RAB27B: variants seen among roughly 807,000 people sequenced by gnomAD.
RAB27B encodes the protein ras-related protein Rab-27B.
Under a neutral mutation model 24.6 loss-of-function variants are expected in RAB27B, and 15 were observed. That is an observed-to-expected ratio of 0.61 (90% CI 0.41 to 0.94). RAB27B has a LOEUF of 0.94. Among genes scored for constraint, RAB27B ranks in the 40% least tolerant of loss-of-function variants. The pLI is 0.00. For missense variants in RAB27B, 261 were observed against 266.8 expected, an observed-to-expected ratio of 0.98 and a Z score of 0.15; for synonymous variants, 105 against 92.5, an observed-to-expected ratio of 1.14 and a Z score of -0.78.
At chr18:54,798,309 C>A (rs764752660) in intron 2 of RAB27B, among the ~76,000 whole-genome samples, 2 of 152,202 alleles carry the variant, frequency 1.3e-5, no homozygotes, top group African/African-American at 2.4e-5. Flanking sequence ...GAAGTGTATT[C>A]CTGGATCTGG....
chr18:54,868,663 G>T (rs1305631282), intron 1 of RAB27B, among the ~76,000 whole-genome samples: 16 of 151,630 alleles, frequency 1.1e-4, no homozygotes, highest in Admixed American at 1.1e-3. Flanking sequence ...CTGTCATATT[G>T]CCCAGGCTGG....
At chr18:54,844,833 C>G (rs1294129490) in intron 1 of RAB27B, among the ~76,000 whole-genome samples, 1 of 152,150 alleles carries the variant, frequency 6.6e-6, no homozygotes, top group African/African-American at 2.4e-5. Flanking sequence ...TATTTTCCAG[C>G]CTGCCTTTCT....
Position 54,892,415 on chromosome 18 carries a change from A to T in RAB27B, c.*3002A>T, listed in dbSNP as rs531615320. The T allele has an allele frequency of 1.8e-4, 27 of 152,046 alleles. No homozygotes were observed. Among genetic ancestry groups the T allele is most frequent in the Admixed American group, 5.3e-4 (8 of 15,234 alleles). 9.4% of individuals were successfully genotyped at this position (152,046 alleles called of 1,614,324 possible). ...GATATTATCAGCAAGGGATGCAAGG[A>T]CTTTATTGGAATCTGGAGAGTTTAA... On this transcript the variant is annotated 3_prime_UTR_variant, in exon 6 of 6. Coordinates refer to ENST00000262094, the MANE Select transcript of RAB27B (RefSeq NM_004163.4).
chr18:54,842,888 G>A (rs925214562), intron 1 of RAB27B, among the ~76,000 whole-genome samples: 4 of 152,068 alleles, frequency 2.6e-5, no homozygotes, highest in Admixed American at 6.5e-5. Context: ...TCTGCCTCCC[G>A]GGTTCATGCC....
intron 3 of RAB27B, chr18:54,880,911 A>G (rs1185933838): frequency 6.6e-6 from 1 of 152,142 alleles, no homozygotes; most frequent in Non-Finnish European, 1.5e-5. Context: ...AGGTGTAACT[A>G]AGCAACAAGA....
intron 1 of RAB27B, among the ~76,000 whole-genome samples, chr18:54,868,578 A>T (rs1912334700): frequency 6.6e-6 from 1 of 150,674 alleles, no homozygotes; most frequent in Non-Finnish European, 1.5e-5. Context: ...TCCAAAAAGG[A>T]TGTGACATTC....
Position 54,719,690 on chromosome 18 carries a change from G to C in RAB27B, c.-20+1549G>C, listed in dbSNP as rs888933296. Among the ~76,000 whole-genome samples the C allele has an allele frequency of 2.0e-5, 3 of 151,806 alleles. No individual in the cohort carries two copies. The East Asian group carries it at 5.8e-4, about 29-fold the overall frequency. On this transcript the variant is annotated intron_variant, in intron 2 of 4. Coordinates refer to the RAB27B transcript ENST00000586570. ...ATTTTTTAAACCTATTTTTGCATTG[G>C]TGCACCTACAATTTATTTTCAAGTT... is the stretch of plus-strand genomic sequence containing the variant.
At chr18:54,782,101 C>T (rs964374257) in intron 2 of RAB27B, among the ~76,000 whole-genome samples, 1 of 152,142 alleles carries the variant, frequency 6.6e-6, no homozygotes, top group Non-Finnish European at 1.5e-5. Context: ...GCTATCATGC[C>T]TGGCAATAGT....
intron 1 of RAB27B, among the ~76,000 whole-genome samples, chr18:54,856,450 T>A: frequency 6.6e-6 from 1 of 152,234 alleles, no homozygotes; most frequent in Non-Finnish European, 1.5e-5. Context: ...CTGGAAAATA[T>A]TAAGCAGAAC....
chr18:54,869,773 G>C (rs982938508), intron 1 of RAB27B, among the ~76,000 whole-genome samples: 12 of 152,238 alleles, frequency 7.9e-5, no homozygotes, highest in Admixed American at 5.9e-4. Context: ...TATAGAATTA[G>C]AAATGTCAAG....
chr18:54,819,818 T>A (rs1019099793), intron 2 of RAB27B, among the ~76,000 whole-genome samples: 21 of 137,598 alleles, frequency 1.5e-4, no homozygotes, highest in African/African-American at 5.3e-4. Flanking sequence ...CCCCTTCCTG[T>A]GTGCATGTAT....
At chr18:54,826,038 C>T (rs1399993211), upstream of RAB27B, among the ~76,000 whole-genome samples, 2 of 152,198 alleles carry the variant, frequency 1.3e-5, no homozygotes, top group Non-Finnish European at 2.9e-5. Flanking sequence ...AAATTCATTA[C>T]AAGTTTATGT....
At chr18:54,845,381 T>A (rs1394644306) in intron 1 of RAB27B, among the ~76,000 whole-genome samples, 1 of 128,854 alleles carries the variant, frequency 7.8e-6, no homozygotes, top group Non-Finnish European at 1.6e-5. Context: ...CACTCCAGCC[T>A]GGGCGATAAG....
intron 2 of RAB27B, among the ~76,000 whole-genome samples, chr18:54,769,529 A>G (rs1908477905): frequency 6.6e-6 from 1 of 151,660 alleles, no homozygotes; most frequent in Non-Finnish European, 1.5e-5. Context: ...TTCAAAGTCT[A>G]TGATTTGGTC....
intron 4 of RAB27B, among the ~76,000 whole-genome samples, chr18:54,885,268 G>A (rs1398742771): frequency 1.3e-5 from 2 of 152,100 alleles, no homozygotes; most frequent in Non-Finnish European, 1.5e-5. Flanking sequence ...AGATTTGTCT[G>A]GGCCATCTGT....
intron 3 of RAB27B, among the ~76,000 whole-genome samples, chr18:54,882,968 AGGTGAGAGAGAATG>A (rs1195976315): frequency 6.6e-6 from 1 of 152,188 alleles, no homozygotes; most frequent in Admixed American, 6.6e-5. Flanking sequence ...GAAGTTGTCC[AGGTGAGAGAGAATG>A]GGTTTGGAAG....
chr18:54,789,501 A>T (rs4801072), intron 2 of RAB27B, among the ~76,000 whole-genome samples: 68,945 of 151,950 alleles, frequency 0.45, 17,477 homozygotes, highest in East Asian at 0.58. Flanking sequence ...CCATTTTGCT[A>T]CATAAATATG....
intron 4 of RAB27B, chr18:54,885,805 G>C (rs1913111439): frequency 6.4e-6 from 1 of 156,274 alleles, no homozygotes; most frequent in Non-Finnish European, 1.4e-5. Context: ...AGGCTGTATG[G>C]GAAGCATGTG....
chr18:54,851,952 T>C (rs1911606238), intron 1 of RAB27B, among the ~76,000 whole-genome samples: 1 of 152,220 alleles, frequency 6.6e-6, no homozygotes, highest in Non-Finnish European at 1.5e-5. Context: ...TCTTAAATTG[T>C]AAACCCTTTA....
Sources: allele counts gnomAD v4.1 joint callset (sites outside exome capture counted in the v4.1 genomes callset), GRCh38; gene constraint gnomAD v4.1.1; transcripts MANE v1.5; gene names NCBI Gene and HGNC (gene_info 2026-07-23, HGNC 2026-07-21).